ST3GAL3: variants seen among roughly 807,000 people sequenced by gnomAD.
ST3GAL3 encodes the protein CMP-N-acetylneuraminate-beta-1,4-galactoside alpha-2,3-sialyltransferase.
Under a neutral mutation model 50.1 loss-of-function variants are expected in ST3GAL3, and 21 were observed. The ratio of observed to expected loss-of-function variants is 0.42; its 90% confidence interval spans 0.30 to 0.60. The LOEUF (loss-of-function observed/expected upper bound fraction) is 0.60. Among genes scored for constraint, ST3GAL3 ranks in the 20% least tolerant of loss-of-function variants. The probability of loss-of-function intolerance (pLI) is 0.19; values close to 1 mark genes in which losing one functional copy is unlikely to be tolerated. For synonymous variants in ST3GAL3, 183 were observed against 190.0 expected (o/e 0.96, Z 0.30); for missense variants, 353 against 489.4 (o/e 0.72, Z 2.63).
intron 5 of ST3GAL3, among the ~76,000 whole-genome samples, chr1:43,859,474 G>A (rs1487307405): frequency 2.6e-5 from 4 of 151,926 alleles, no homozygotes; most frequent in Non-Finnish European, 5.9e-5. Context: ...CAGGAGAATC[G>A]CTTGAACCTG....
chr1:43,809,992 CA>C (rs111982954), intron 3 of ST3GAL3, among the ~76,000 whole-genome samples: 28,034 of 78,112 alleles, frequency 0.36, 2,659 homozygotes, highest in Middle Eastern at 0.47. Context: ...GACCCTGTCT[CA>C]AAAAAAAAAA....
At chr1:43,749,876 G>A (rs901554145) in intron 2 of ST3GAL3, among the ~76,000 whole-genome samples, 2 of 152,148 alleles carry the variant, frequency 1.3e-5, no homozygotes, top group Non-Finnish European at 2.9e-5. Flanking sequence ...TGCCATATGA[G>A]GACACAGTGT....
chr1:43,855,347 C>T (rs886730901), intron 5 of ST3GAL3, among the ~76,000 whole-genome samples: 8 of 152,210 alleles, frequency 5.3e-5, no homozygotes, highest in African/African-American at 1.7e-4. Flanking sequence ...CAGTGGCTCA[C>T]GCCTGTGATC....
At chr1:43,838,716 A>G in intron 5 of ST3GAL3, 1 of 278,206 alleles carries the variant, frequency 3.6e-6, no homozygotes, top group Non-Finnish European at 7.1e-6. Flanking sequence ...AGCAGGGAAC[A>G]AAGAGAAATT....
chr1:43,800,692 T>C (rs1168198019), intron 3 of ST3GAL3, among the ~76,000 whole-genome samples: 1 of 152,204 alleles, frequency 6.6e-6, no homozygotes. Flanking sequence ...CTGTAAAATA[T>C]AGTACCTGCC....
At chr1:43,894,346 C>T (rs780230711) in intron 5 of ST3GAL3, 37 bp from the exon 6 acceptor site, 10 of 1,595,702 alleles carry the variant, frequency 6.3e-6, no homozygotes, top group African/African-American at 2.7e-5. Context: ...CAGACTGTTG[C>T]GTTTTTGTGA....
intron 5 of ST3GAL3, among the ~76,000 whole-genome samples, chr1:43,886,965 A>G (rs963066270): frequency 3.3e-5 from 5 of 152,230 alleles, no homozygotes; most frequent in Non-Finnish European, 7.3e-5. Flanking sequence ...TTGGTGTCAT[A>G]GGGATGGGGT....
intron 2 of ST3GAL3, among the ~76,000 whole-genome samples, chr1:43,768,557 C>T (rs1305742312): frequency 6.6e-6 from 1 of 152,108 alleles, no homozygotes; most frequent in African/African-American, 2.4e-5. Flanking sequence ...ATGCCAGGAA[C>T]AGGAAGGGAG....
intron 4 of ST3GAL3, among the ~76,000 whole-genome samples, chr1:43,827,799 A>G (rs995545332): frequency 4.6e-5 from 7 of 152,206 alleles, no homozygotes; most frequent in Non-Finnish European, 5.9e-5. Context: ...GGTGTGAGCC[A>G]CTGTGCCCAG....
intron 5 of ST3GAL3, chr1:43,879,076 C>T (rs935138334): frequency 2.2e-6 from 1 of 455,994 alleles, no homozygotes; most frequent in African/African-American, 2.0e-5. Flanking sequence ...GCAGGAAACC[C>T]ACTTTAGACA....
intron 5 of ST3GAL3, among the ~76,000 whole-genome samples, chr1:43,883,406 CAG>C (rs1409335138): frequency 1.3e-5 from 2 of 152,294 alleles, no homozygotes; most frequent in Non-Finnish European, 1.5e-5. Context: ...TTGTAGAAGA[CAG>C]GGGAAGAGAT....
chr1:43,802,010 A>G (rs940065075), intron 3 of ST3GAL3, among the ~76,000 whole-genome samples: 16 of 152,106 alleles, frequency 1.1e-4, no homozygotes, highest in African/African-American at 3.6e-4. Flanking sequence ...AAACAAACAA[A>G]CAAACAAACA....
In ST3GAL3 at chr1:43,796,079, G is replaced by A. The variant is rs142388240; in HGVS notation, c.166+3930G>A. Among the ~76,000 whole-genome samples the A allele has an allele frequency of 5.3e-5, 8 of 152,330 alleles. No individual in the cohort carries two copies. In the East Asian group the frequency reaches 1.5e-3, roughly 29 times the overall value. On this transcript the variant is annotated intron_variant, in intron 3 of 11. Transcript: ENST00000347631. ...AGCCCCCAGGCAATCCCACAGTGATGGTGGTTGGGAGAGTGCCAGCAGTAG... is the reference window on the plus strand; with the variant it reads ...AGCCCCCAGGCAATCCCACAGTGATAGTGGTTGGGAGAGTGCCAGCAGTAG...
intron 5 of ST3GAL3, chr1:43,840,932 A>G (rs2065266791): frequency 6.6e-6 from 1 of 152,252 alleles, no homozygotes; most frequent in African/African-American, 2.4e-5. Flanking sequence ...ATCCCATTCC[A>G]AAAAGGGGTA....
At chr1:43,758,585 A>C (rs565695110) in intron 2 of ST3GAL3, among the ~76,000 whole-genome samples, 1 of 152,320 alleles carries the variant, frequency 6.6e-6, no homozygotes, top group Admixed American at 6.5e-5. Flanking sequence ...AGACAGCATT[A>C]AGATTTAAAG....
intron 2 of ST3GAL3, among the ~76,000 whole-genome samples, chr1:43,784,535 T>C (rs2057028695): frequency 6.6e-6 from 1 of 152,094 alleles, no homozygotes; most frequent in Non-Finnish European, 1.5e-5. Flanking sequence ...TAAGTAAAAA[T>C]AAACTCCCAT....
chr1:43,718,530 T>A (rs901533855), intron 1 of ST3GAL3, among the ~76,000 whole-genome samples: 23 of 151,688 alleles, frequency 1.5e-4, no homozygotes, highest in African/African-American at 5.3e-4. Flanking sequence ...AGTTTTTTTT[T>A]ATTTTTTAAA....
intron 5 of ST3GAL3, among the ~76,000 whole-genome samples, chr1:43,888,441 A>C (rs542961171): frequency 6.6e-6 from 1 of 151,862 alleles, no homozygotes; most frequent in East Asian, 2.0e-4. Context: ...AATCTTTTGC[A>C]AAAATGAGGG....
At chr1:43,858,296 T>C (rs1452420142) in intron 5 of ST3GAL3, 1 of 1,279,648 alleles carries the variant, frequency 7.8e-7, no homozygotes, top group Admixed American at 2.3e-5. Flanking sequence ...ATGCCTGAAC[T>C]ATGCTGGGAA....
Sources: gnomAD v4.1 joint callset for allele counts (sites outside exome capture counted in the v4.1 genomes callset) on GRCh38, gnomAD v4.1.1 for gene constraint, MANE v1.5 for transcripts, NCBI Gene and HGNC (gene_info 2026-07-23, HGNC 2026-07-21) for gene names.